Variants in SIX5 observed in about 807,000 individuals in gnomAD.
The protein encoded by SIX5 is homeobox protein SIX5.
SIX5 carries 21 observed loss-of-function variants against 37.1 expected under a neutral mutation model. The ratio of observed to expected loss-of-function variants is 0.57; its 90% CI spans 0.40 to 0.81. The LOEUF (loss-of-function observed/expected upper bound fraction) is 0.81. Ranked by LOEUF, SIX5 falls within the 40% of genes least tolerant of loss-of-function variation. The pLI is 0.00. For missense variants in SIX5, 1,137 were observed against 1,025.1 expected, an observed-to-expected ratio of 1.11 and a Z score of -1.49; for synonymous variants, 626 against 505.9, an observed-to-expected ratio of 1.24 and a Z score of -3.19.
intron 1 of SIX5, chr19:45,767,766 C>T (rs1384614003): frequency 7.5e-5 from 41 of 545,054 alleles, no homozygotes; most frequent in Non-Finnish European, 1.2e-4. Flanking sequence ...CTCTAGTGCC[C>T]CCCGCAGTGT....
chr19:45,768,259 T>C lies in SIX5; in HGVS notation c.586A>G (p.Lys196Glu). 1 of 1,613,024 alleles carries C rather than the reference T, an allele frequency of 6.2e-7. No homozygotes were observed. Among genetic ancestry groups the C allele is most frequent in the South Asian group, 1.1e-5 (1 of 90,988 alleles). ...YRLRKKFPLP[K>E]TIWDGEETVY... is the part of the protein sequence containing the mutation. ...GTCTCCTCGCCGTCCCAGATGGTCT[T>C]GGGCAGCGGGAACTTCTTGCGCAGT... Residue 196 changes from lysine to glutamate, a missense_variant, in exon 1 of 3, where the codon AAG becomes GAG. Transcript: ENST00000317578.
chr19:45,768,864 T>G lies in SIX5; in HGVS notation c.-20A>C. 6.6e-7 allele frequency: 1 copy of G among 1,513,394 alleles called. No individual in the cohort carries two copies. The highest frequency in any genetic ancestry group is 8.8e-7 in the Non-Finnish European group (1 of 1,134,740). 93.7% of individuals were successfully genotyped at this position (1,513,394 alleles called of 1,614,324 possible). Reference sequence around the variant, plus strand: ...AGCCATGTTTTGCAACTTTGGGAAGTTCCTCCCTCCCTCTCTTCCTCCCTC... The same window carrying G: ...AGCCATGTTTTGCAACTTTGGGAAGGTCCTCCCTCCCTCTCTTCCTCCCTC... On this transcript the variant is annotated 5_prime_UTR_variant, in exon 1 of 3. Transcript: ENST00000317578.
At chr19:45,767,203 C>CT in intron 1 of SIX5, 48 bp from the exon 2 acceptor site, 1 of 1,578,692 alleles carries the variant, frequency 6.3e-7, no homozygotes, top group Non-Finnish European at 8.6e-7. Flanking sequence ...CCTGTGGGGC[C>CT]TCCCGCATAG....
chr19:45,766,898 G>C lies in SIX5; in HGVS notation c.1061C>G (p.Ser354Cys). The C allele has an allele frequency of 2.6e-6, 4 of 1,552,338 alleles. No homozygotes were observed. The highest frequency in any genetic ancestry group is 3.5e-6 in the Non-Finnish European group (4 of 1,151,374). ...IINGLALGEA[S>C]SLGPLLLTGG... ...AGTGAGCAGCAGCGGGCCCAGGCTG[G>C]AGGCCTCGCCCAGGGCCAGGCCGTT... The change falls in exon 2 of 3, where the codon TCC becomes TGC. Residue 354 changes from serine to cysteine, a missense_variant. By Grantham distance (112) the Ser-to-Cys change is moderately radical. This residue lies in a region of SIX5 where 787 missense variants were observed against 621.4 expected (regional missense o/e 1.27). Transcript: ENST00000317578.
rs1366167968 is a variant in SIX5, at chr19:45,768,830, A to C, written c.15T>G (p.Pro5=). The change falls in exon 1 of 3, where the codon CCT becomes CCG. Residue 5 remains proline (P), a synonymous_variant. Transcript: ENST00000317578. The stretch of plus-strand genomic sequence containing the variant: ...CCGCCGGCCCCGCGCTCGGCTCCGC[A>C]GGCAAGGTAGCCATGTTTTGCAACT... MATL[P]AEPSAGPAAG... is the part of the protein sequence containing the mutation. The C allele has an allele frequency of 8.5e-5, 130 of 1,523,006 alleles. No homozygotes were observed. The highest frequency in any genetic ancestry group is 1.1e-4 in the Non-Finnish European group (120 of 1,140,846). The allele number at this position is 1,523,006 out of a possible 1,614,324, so 94.3% of individuals were successfully genotyped here.
rs758236845 is a variant in SIX5 at position 45,766,658 on chromosome 19, G to A, written c.1301C>T (p.Thr434Met). ...PLAQVVPGPP[T>M]AATFPLPPGP... ...CGGGGGCAGAGGAAAGGTGGCAGCC[G>A]TCGGGGGGCCAGGCACCACTTGGGC... is the stretch of plus-strand genomic sequence containing the variant. The change falls in exon 2 of 3, where the codon ACG (threonine) becomes ATG (methionine). Residue 434 changes from threonine to methionine, a missense_variant. This residue lies in a region of SIX5 where 787 missense variants were observed against 621.4 expected (regional missense o/e 1.27). Transcript: ENST00000317578. 1.6e-5 allele frequency: 24 copies of A among 1,486,610 alleles called. No homozygotes were observed. Among genetic ancestry groups the A allele is most frequent in the Middle Eastern group, 1.8e-4 (1 of 5,634 alleles). 92.1% of individuals were successfully genotyped at this position (1,486,610 alleles called of 1,614,324 possible).
At position 45,766,673 on chromosome 19, in the gene SIX5, A is replaced by G. The variant is rs1969082057; in HGVS notation, c.1286T>C (p.Val429Ala). The G allele has an allele frequency of 1.3e-6, 2 of 1,498,842 alleles. No homozygotes were observed. The highest frequency in any genetic ancestry group is 1.8e-6 in the Non-Finnish European group (2 of 1,123,156). 92.8% of individuals were successfully genotyped at this position (1,498,842 alleles called of 1,614,324 possible). A position where few individuals can be genotyped will look rare whatever the true frequency, so the allele number is the denominator to read the frequency against. The change falls in exon 2 of 3, where the codon GTG becomes GCG. Residue 429 changes from valine to alanine, a missense_variant. Physicochemically the swap from Val to Ala is moderately conservative, Grantham distance 64. Around this residue, in one of 3 missense-constraint regions of SIX5, gnomAD observed 787 missense variants for 621.4 expected, o/e 1.27. Coordinates refer to ENST00000317578, the MANE Select transcript of SIX5 (RefSeq NM_175875.5). ...EEVLGPLAQV[V>A]PGPPTAATFP... ...GGTGGCAGCCGTCGGGGGGCCAGGC[A>G]CCACTTGGGCCAGGGGCCCCAGGAC...
rs1969046577 is a variant in SIX5 at position 45,765,345 on chromosome 19, C to T, written c.*156G>A. On this transcript the variant is annotated 3_prime_UTR_variant, in exon 3 of 3. Transcript: ENST00000317578. ...CCTGGACAGGAGGTGGCCGGGGATA[C>T]AACCCCCAGCACCACCAGGGCTTGG... is the stretch of plus-strand genomic sequence containing the variant. 9.5e-7 allele frequency: 1 copy of T among 1,056,812 alleles called. No homozygotes were observed. The highest frequency in any genetic ancestry group is 1.4e-6 in the Non-Finnish European group (1 of 691,892). The allele number at this position is 1,056,812 out of a possible 1,614,324, so 65.5% of individuals were successfully genotyped here. A position where few individuals can be genotyped will look rare whatever the true frequency, so the allele number is the denominator to read the frequency against.
At chr19:45,768,010 G>A (rs911563469) in intron 1 of SIX5, 32 bp downstream of exon 1, 2 of 1,586,878 alleles carry the variant, frequency 1.3e-6, no homozygotes, top group Admixed American at 3.4e-5. Context: ...GTCCCCGGGA[G>A]AGCTGGACTT....
At position 45,768,753 on chromosome 19, in the gene SIX5, T is replaced by C. The variant is rs1436268927; in HGVS notation, c.92A>G (p.Glu31Gly). Residue 31 changes from glutamate (E) to glycine (G), a missense_variant, in exon 1 of 3, where the codon GAA (glutamate) becomes GGA (glycine). By Grantham distance (98) the Glu-to-Gly change is moderately conservative. Around this residue, in one of 3 missense-constraint regions of SIX5, gnomAD observed 331 missense variants for 360.9 expected, o/e 0.92. Transcript: ENST00000317578. ...AAAATEEEEE[E>G]ARQLLQTLQA... ...CAAAGTCTGCAAGAGCTGGCGCGCT[T>C]CCTCCTCCTCCTCTTCGGTCGCCGC... is the stretch of plus-strand genomic sequence containing the variant. The C allele has an allele frequency of 6.6e-7, 1 of 1,513,672 alleles. No individual in the cohort carries two copies. Among genetic ancestry groups the C allele is most frequent in the Admixed American group, 2.0e-5 (1 of 49,210 alleles). The allele number at this position is 1,513,672 out of a possible 1,614,324, so 93.8% of individuals were successfully genotyped here. A position where few individuals can be genotyped will look rare whatever the true frequency, so the allele number is the denominator to read the frequency against.
rs1386475500 is a variant in SIX5 at position 45,766,589 on chromosome 19, G to C, written c.1370C>G (p.Ser457Cys). Residue 457 changes from serine (S) to cysteine (C), a missense_variant, in exon 2 of 3, where the codon TCC becomes TGC. Physicochemically the swap from Ser to Cys is moderately radical, Grantham distance 112. This residue lies in a region of SIX5 where 787 missense variants were observed against 621.4 expected (regional missense o/e 1.27). Transcript: ENST00000317578. ...GCCCGTGGGATACCCCGGGGGTGGG[G>C]AGAGCGGTACCACTTGTGGGGCAGC... is the stretch of plus-strand genomic sequence containing the variant. The part of the protein sequence containing the change: ...AVAAPQVVPL[S>C]PPPGYPTGLS... The C allele has an allele frequency of 6.8e-7, 1 of 1,470,338 alleles. No individual in the cohort carries two copies. The highest frequency in any genetic ancestry group is 1.4e-5 in the African/African-American group (1 of 70,926). 91.1% of individuals were successfully genotyped at this position (1,470,338 alleles called of 1,614,324 possible).
Position 45,766,792 on chromosome 19 carries a change from C to T in SIX5, c.1167G>A (p.Gln389=), listed in dbSNP as rs780684168. The T allele has an allele frequency of 1.3e-6, 2 of 1,574,922 alleles. No individual in the cohort carries two copies. Among genetic ancestry groups the T allele is most frequent in the East Asian group, 2.3e-5 (1 of 42,572 alleles). The part of the protein sequence containing the change: ...ETKTSLVLDP[Q]TGEVRLEEAQ... ...CCTCCTCCAGCCGCACCTCCCCTGT[C>T]TGAGGGTCCAGGACCAGAGAGGTCT... Residue 389 remains glutamine, a synonymous_variant, in exon 2 of 3, where the codon CAG becomes CAA. Coordinates refer to ENST00000317578, the MANE Select transcript of SIX5 (RefSeq NM_175875.5).
intron 1 of SIX5, chr19:45,767,741 C>G: frequency 2.1e-6 from 1 of 487,418 alleles, no homozygotes; most frequent in East Asian, 3.5e-5. Context: ...AGGCCCTGTC[C>G]TTTTTCCTCA....
rs1012568338 is a variant in SIX5 at position 45,769,006 on chromosome 19, C to T, written c.-162G>A. 4 of 662,330 alleles carry T rather than the reference C, an allele frequency of 6.0e-6. No individual in the cohort carries two copies. Among genetic ancestry groups the T allele is most frequent in the Non-Finnish European group, 1.0e-5 (4 of 389,394 alleles). 41.0% of individuals were successfully genotyped at this position (662,330 alleles called of 1,614,324 possible). ...CACGCCGGGAAGGCGAGATCCAGCT[C>T]TCCACTCGGGTCTCTGTCCCCTTGT... is the stretch of plus-strand genomic sequence containing the variant. On this transcript the variant is annotated 5_prime_UTR_variant, in exon 1 of 3. Coordinates refer to ENST00000317578, the MANE Select transcript of SIX5 (RefSeq NM_175875.5).
rs1466051864 is a variant in SIX5, at chr19:45,768,299, T to C, written c.546A>G (p.Ala182=). The C allele has an allele frequency of 6.2e-7, 1 of 1,611,290 alleles. No individual in the cohort carries two copies. Among genetic ancestry groups the C allele is most frequent in the Non-Finnish European group, 8.5e-7 (1 of 1,179,128 alleles). The change falls in exon 1 of 3, where the codon GCA becomes GCG. Residue 182 remains alanine (A), a synonymous_variant. Coordinates refer to ENST00000317578, the MANE Select transcript of SIX5 (RefSeq NM_175875.5). Reference sequence around the variant, plus strand: ...TCTTGCGCAGTCGATACTTGTCCACTGCGCCAAGCGCGCGGCCGCGGGCCC... The same window carrying C: ...TCTTGCGCAGTCGATACTTGTCCACCGCGCCAAGCGCGCGGCCGCGGGCCC... ...AERARGRALG[A]VDKYRLRKKF...
At chr19:45,766,174 G>C in intron 2 of SIX5, 63 bp from the exon 3 acceptor site, 1 of 1,569,510 alleles carries the variant, frequency 6.4e-7, no homozygotes, top group Non-Finnish European at 8.6e-7. Flanking sequence ...CCAGAGAGAA[G>C]TGGAGACTGT....
In SIX5 at chr19:45,765,309, G is replaced by T; in HGVS notation, c.*192C>A. ...TAACAGAGAGGCCTCCCATCCAAAG[G>T]GGGATGGAGACCTGGACAGGAGGTG... On this transcript the variant is annotated 3_prime_UTR_variant, in exon 3 of 3. Transcript: ENST00000317578. 1 of 764,214 alleles carries T rather than the reference G, an allele frequency of 1.3e-6. No individual in the cohort carries two copies. Among genetic ancestry groups the T allele is most frequent in the East Asian group, 2.5e-5 (1 of 40,668 alleles). 47.3% of individuals were successfully genotyped at this position (764,214 alleles called of 1,614,324 possible).
Position 45,766,504 on chromosome 19 carries a change from C to A in SIX5, c.1455G>T (p.Val485=). Reference sequence around the variant, plus strand: ...GGGGCCCCACAGCCTGGGGCAGGGTCACCACCTGTGAGGTGGGTACTACCT... The same window carrying A: ...GGGGCCCCACAGCCTGGGGCAGGGTAACCACCTGTGAGGTGGGTACTACCT... ...LPQVVPTSQV[V]TLPQAVGPLQ... Residue 485 remains valine, a synonymous_variant, in exon 2 of 3, where the codon GTG becomes GTT. Coordinates refer to ENST00000317578, the MANE Select transcript of SIX5 (RefSeq NM_175875.5). 1 of 1,511,566 alleles carries A rather than the reference C, an allele frequency of 6.6e-7. No individual in the cohort carries two copies. 93.6% of individuals were successfully genotyped at this position (1,511,566 alleles called of 1,614,324 possible).
chr19:45,769,050 C>CGTCT lies in SIX5; in HGVS notation c.-210_-207dup. 1 of 532,086 alleles carries CGTCT rather than the reference C, an allele frequency of 1.9e-6. No homozygotes were observed. Among genetic ancestry groups the CGTCT allele is most frequent in the South Asian group, 2.4e-5 (1 of 41,238 alleles). The allele number at this position is 532,086 out of a possible 1,614,324, so 33.0% of individuals were successfully genotyped here. On this transcript the variant is annotated 5_prime_UTR_variant, in exon 1 of 3. Transcript: ENST00000317578. ...CCCTTGTGTGTGTCCGTCCCCCTCCCGTCTGTCTGTGATTCTCCCTTTGTT... is the reference window on the plus strand; with the variant it reads ...CCCTTGTGTGTGTCCGTCCCCCTCCCGTCTGTCTGTCTGTGATTCTCCCTTTGTT...
Sources: gnomAD v4.1 joint callset for allele counts on GRCh38, gnomAD v4.1.1 for gene constraint, gnomAD v4.1.1 regional missense constraint, MANE v1.5 for transcripts, NCBI Gene and HGNC (gene_info 2026-07-23, HGNC 2026-07-21) for gene names.